Variants in CPNE4 observed in about 807,000 individuals in gnomAD.
CPNE4 encodes copine-4.
Under a neutral mutation model 67.9 loss-of-function variants are expected in CPNE4, and 25 were observed. The observed-to-expected ratio is 0.37, with a 90% CI of 0.27 to 0.51. CPNE4 has a LOEUF of 0.51. CPNE4 is among the 20% of genes least tolerant of loss of function. The probability of loss-of-function intolerance (pLI) is 0.93; values close to 1 mark genes in which losing one functional copy is unlikely to be tolerated. For synonymous variants in CPNE4, 242 were observed against 244.9 expected (o/e 0.99, Z 0.11); for missense variants, 464 against 690.8 (o/e 0.67, Z 3.68).
upstream of CPNE4, chr3:132,037,597 G>A (rs748652442): frequency 7.2e-6 from 11 of 1,535,822 alleles, no homozygotes; most frequent in South Asian, 9.5e-5. Context: ...GAGCTGCTGG[G>A]TTCTACAGCC....
intron 7 of CPNE4, among the ~76,000 whole-genome samples, chr3:131,622,964 C>T (rs1051698450): frequency 9.9e-5 from 15 of 152,044 alleles, no homozygotes; most frequent in African/African-American, 1.9e-4. Context: ...GCTTGGTAGC[C>T]GCATCAATAG....
chr3:132,039,342 C>T (rs2074378630), upstream of CPNE4, among the ~76,000 whole-genome samples: 1 of 152,132 alleles, frequency 6.6e-6, no homozygotes, highest in African/African-American at 2.4e-5. Flanking sequence ...CAAGCATTTG[C>T]CAAGGCAGGT....
chr3:131,705,555 T>C (rs949910187), intron 3 of CPNE4, among the ~76,000 whole-genome samples: 1 of 152,230 alleles, frequency 6.6e-6, no homozygotes, highest in Non-Finnish European at 1.5e-5. Context: ...GCTGACACTT[T>C]CTTGGCCACT....
At chr3:131,707,112 C>A (rs1234401552) in intron 3 of CPNE4, among the ~76,000 whole-genome samples, 2 of 152,132 alleles carry the variant, frequency 1.3e-5, no homozygotes, top group Non-Finnish European at 2.9e-5. Flanking sequence ...TTTTCATTGA[C>A]CAAATATATT....
chr3:131,708,132 A>G (rs1344380827), intron 3 of CPNE4, among the ~76,000 whole-genome samples: 1 of 152,094 alleles, frequency 6.6e-6, no homozygotes, highest in Non-Finnish European at 1.5e-5. Context: ...GGTGGATAGT[A>G]GAGATATTTG....
chr3:131,969,148 T>C (rs1005265736), intron 1 of CPNE4, among the ~76,000 whole-genome samples: 7 of 150,790 alleles, frequency 4.6e-5, no homozygotes, highest in African/African-American at 1.7e-4. Context: ...TAAGTGGGAG[T>C]TGAACAATGA....
Position 131,535,158 on chromosome 3 carries a change from A to G in CPNE4, c.*37T>C. ...TATTAAATATGAAATATTAGCAGGA[A>G]TAGTATTTCAGAACTCTGTAAAACT... On this transcript the variant is annotated 3_prime_UTR_variant, in exon 16 of 16. Transcript: ENST00000429747. The G allele has an allele frequency of 6.5e-7, 1 of 1,548,488 alleles. No homozygotes were observed. The highest frequency in any genetic ancestry group is 1.4e-5 in the African/African-American group (1 of 72,990).
At chr3:131,800,366 A>G (rs1377972122) in intron 2 of CPNE4, among the ~76,000 whole-genome samples, 1 of 152,132 alleles carries the variant, frequency 6.6e-6, no homozygotes, top group African/African-American at 2.4e-5. Context: ...TCACATGACA[A>G]GCTTCTTGAA....
chr3:131,740,709 G>C (rs912866223), intron 2 of CPNE4, among the ~76,000 whole-genome samples: 8 of 152,184 alleles, frequency 5.3e-5, no homozygotes, highest in African/African-American at 1.9e-4. Context: ...AGAAGCTAGA[G>C]TAATCGTGTT....
chr3:131,538,501 C>T (rs1320908223), intron 15 of CPNE4, among the ~76,000 whole-genome samples: 1 of 152,136 alleles, frequency 6.6e-6, no homozygotes, highest in East Asian at 1.9e-4. Flanking sequence ...ATTTATTAAC[C>T]ACCTACATGG....
chr3:131,909,696 T>G (rs572581721), intron 1 of CPNE4, among the ~76,000 whole-genome samples: 8 of 152,280 alleles, frequency 5.3e-5, no homozygotes, highest in Non-Finnish European at 8.8e-5. Flanking sequence ...CTTATAATAG[T>G]GGCAATCTTA....
intron 6 of CPNE4, among the ~76,000 whole-genome samples, chr3:131,678,595 T>C (rs2080648154): frequency 6.6e-6 from 1 of 152,158 alleles, no homozygotes; most frequent in African/African-American, 2.4e-5. Context: ...CTCTTATTAT[T>C]TTGAGGTATG....
At chr3:131,958,960 A>T in intron 1 of CPNE4, among the ~76,000 whole-genome samples, 1 of 118,062 alleles carries the variant, frequency 8.5e-6, no homozygotes, top group Non-Finnish European at 1.7e-5. Flanking sequence ...TCCCGGCCTG[A>T]TACACCTTTC....
At position 131,893,239 on chromosome 3, in the gene CPNE4, C is replaced by T. The variant is rs563624264; in HGVS notation, c.180+12025G>A. Among the ~76,000 whole-genome samples the T allele has an allele frequency of 1.1e-4, 16 of 151,770 alleles. No homozygotes were observed. The East Asian group carries it at 1.2e-3, about 11-fold the overall frequency. On this transcript the variant is annotated intron_variant, in intron 2 of 15. Transcript: ENST00000429747. ...AACTGTAAAAAGAGACAAAGAAGAG[C>T]GTTATAATAAAGGAATCAATTCAAC... is the stretch of plus-strand genomic sequence containing the variant.
Position 131,582,167 on chromosome 3 carries a change from T to G in CPNE4, c.781-502A>C, listed in dbSNP as rs150017992. Among the ~76,000 whole-genome samples, 983 of 152,320 alleles carry G rather than the reference T, an allele frequency of 6.5e-3. 4 individuals are homozygous for G. The highest frequency in any genetic ancestry group is 0.02 in the Middle Eastern group (6 of 294). On this transcript the variant is annotated intron_variant, in intron 8 of 15. Transcript: ENST00000429747. ...GACTCAAAAGGTTAGGAATAGTGAA[T>G]GCTGGCTAGAGAAATTTACTAGGGA...
intron 2 of CPNE4, among the ~76,000 whole-genome samples, chr3:131,805,490 A>G (rs1377291567): frequency 6.6e-6 from 1 of 152,192 alleles, no homozygotes; most frequent in Non-Finnish European, 1.5e-5. Context: ...ATCCTCATTT[A>G]TTATTATCTC....
chr3:131,807,982 C>T (rs1015007099), intron 2 of CPNE4, among the ~76,000 whole-genome samples: 2 of 152,084 alleles, frequency 1.3e-5, no homozygotes, highest in African/African-American at 2.4e-5. Flanking sequence ...AACTCTCTGG[C>T]ATGAAGCATA....
intron 7 of CPNE4, among the ~76,000 whole-genome samples, chr3:131,644,201 G>T (rs1011400240): frequency 5.3e-5 from 8 of 151,864 alleles, no homozygotes; most frequent in Non-Finnish European, 1.0e-4. Flanking sequence ...AGGCTGGAGT[G>T]CAGTGGCATG....
intron 7 of CPNE4, among the ~76,000 whole-genome samples, chr3:131,633,550 A>T (rs990855150): frequency 6.6e-6 from 1 of 152,100 alleles, no homozygotes; most frequent in African/African-American, 2.4e-5. Flanking sequence ...AAATTTTTTG[A>T]AAGTCTGCTG....
Sources: gnomAD v4.1 joint callset for allele counts (sites outside exome capture counted in the v4.1 genomes callset) on GRCh38, gnomAD v4.1.1 for gene constraint, MANE v1.5 for transcripts, NCBI Gene and HGNC (gene_info 2026-07-23, HGNC 2026-07-21) for gene names.